Variants in C2CD2 observed in about 807,000 individuals in gnomAD.
C2CD2 encodes the protein C2 calcium dependent domain containing 2.
A neutral mutation model predicts 74.3 loss-of-function variants in C2CD2; 43 were observed. The observed-to-expected ratio is 0.58, with a 90% confidence interval of 0.45 to 0.75. C2CD2 has a LOEUF of 0.75. Among genes scored for constraint, C2CD2 ranks in the 30% least tolerant of loss-of-function variants. The pLI is 0.00. For synonymous variants in C2CD2, 422 were observed against 390.7 expected, an observed-to-expected ratio of 1.08 and a Z score of -0.94; for missense variants, 801 against 916.3, an observed-to-expected ratio of 0.87 and a Z score of 1.63.
Position 41,899,777 on chromosome 21 carries a change from T to C in C2CD2, c.1561-415A>G, listed in dbSNP as rs2146146567. ...TGTCTTTGTTCCTACACGTTTATGT[T>C]ACCTGCAAGTGGAAATTCACCGGCA... is the stretch of plus-strand genomic sequence containing the variant. On this transcript the variant is annotated intron_variant, in intron 12 of 13. Coordinates refer to ENST00000380486, the MANE Select transcript of C2CD2 (RefSeq NM_015500.2). The surrounding 1 kb of genome is among the most constrained non-coding windows in gnomAD (Gnocchi z 4.4). 6.6e-6 allele frequency among the ~76,000 whole-genome samples: 1 copy of C among 152,294 alleles called. No homozygotes were observed. The highest frequency in any genetic ancestry group is 2.1e-4 in the South Asian group (1 of 4,824).
At chr21:41,935,322 C>A (rs1176973078) in intron 2 of C2CD2, among the ~76,000 whole-genome samples, 2 of 152,194 alleles carry the variant, frequency 1.3e-5, no homozygotes, top group African/African-American at 2.4e-5. Flanking sequence ...GCAATGCACA[C>A]CAACACATGA....
At chr21:41,916,239 T>C (rs2065089050) in intron 5 of C2CD2, among the ~76,000 whole-genome samples, 1 of 152,190 alleles carries the variant, frequency 6.6e-6, no homozygotes, top group Non-Finnish European at 1.5e-5. Flanking sequence ...ATGTGTCGAC[T>C]TGACTGGGCC....
At position 41,918,017 on chromosome 21, in the gene C2CD2, C is replaced by T. The variant is rs574969827; in HGVS notation, c.720+88G>A. On this transcript the variant is annotated intron_variant, in intron 5 of 13. Coordinates refer to ENST00000380486, the MANE Select transcript of C2CD2 (RefSeq NM_015500.2). The stretch of plus-strand genomic sequence containing the variant: ...GGCTCTACCATGGGAGGTGGAGGAA[C>T]GCTGGAACGCACACAGATTCTCCAA... 318 of 1,495,782 alleles carry T rather than the reference C, an allele frequency of 2.1e-4. 3 individuals carry two copies. Among genetic ancestry groups the T allele is most frequent in the East Asian group, 2.5e-4 (11 of 43,900 alleles). The allele number at this position is 1,495,782 out of a possible 1,614,324, so 92.7% of individuals were successfully genotyped here.
In C2CD2 at chr21:41,903,222, CT is replaced by C. The variant is rs2064920441; in HGVS notation, c.1433-1474del. On this transcript the variant is annotated intron_variant, in intron 11 of 13. Transcript: ENST00000380486. The surrounding 1 kb of genome is among the most constrained non-coding windows in gnomAD (Gnocchi z 4.5). Reference sequence around the variant, plus strand: ...GGCTGTGCATTTGTGTGATAATAAACTGGTAAACCCAAGTAAAGTGTTTCTC... The same window carrying C: ...GGCTGTGCATTTGTGTGATAATAAACGGTAAACCCAAGTAAAGTGTTTCTC... 6.6e-6 allele frequency among the ~76,000 whole-genome samples: 1 copy of C among 152,182 alleles called. No homozygotes were observed.
rs1322045446 is a variant in C2CD2 at position 41,926,397 on chromosome 21, A to ACT, written c.379-4314_379-4313dup. The ACT allele has an allele frequency of 1.0e-6, 1 of 979,962 alleles. No individual in the cohort carries two copies. The highest frequency in any genetic ancestry group is 1.8e-5 in the African/African-American group (1 of 56,798). The allele number at this position is 979,962 out of a possible 1,614,324, so 60.7% of individuals were successfully genotyped here. A position where few individuals can be genotyped will look rare whatever the true frequency, so the allele number is the denominator to read the frequency against. ...CTCCACATGGAAAGGCCAAGGGGGG[A>ACT]CTCACGGTTGGCAGGTGAGGGTTTG... On this transcript the variant is annotated intron_variant, in intron 2 of 13. Coordinates refer to ENST00000380486, the MANE Select transcript of C2CD2 (RefSeq NM_015500.2). This position sits in a 1 kb window ranked among gnomAD's most constrained non-coding sequence, Gnocchi z 8.0.
At chr21:41,902,874 G>A (rs905958301) in intron 11 of C2CD2, among the ~76,000 whole-genome samples, 2 of 152,080 alleles carry the variant, frequency 1.3e-5, no homozygotes, top group Admixed American at 6.5e-5. Flanking sequence ...CACCCCATCC[G>A]AGTGAATGCT....
rs2065035064 is a variant in C2CD2, at chr21:41,912,353, A to G, written c.932T>C (p.Met311Thr). 1.2e-6 allele frequency: 2 copies of G among 1,611,346 alleles called. No homozygotes were observed. The highest frequency in any genetic ancestry group is 1.7e-6 in the Non-Finnish European group (2 of 1,178,892). ...TCACAAGGTGAATTCCTCTTCCCAC[A>G]TGAGGTCCGGAGTGTTTTTCGTCAG... Reference protein sequence around the residue: ...STLTKNTPDLMWEEEFTFELN... With the variant: ...STLTKNTPDLTWEEEFTFELN... Residue 311 changes from methionine (M) to threonine (T), a missense_variant, in exon 7 of 14, where the codon ATG becomes ACG. By Grantham distance (81) the Met-to-Thr change is moderately conservative (BLOSUM62 -1). Coordinates refer to ENST00000380486, the MANE Select transcript of C2CD2 (RefSeq NM_015500.2).
Position 41,914,666 on chromosome 21 carries a change from C to A in C2CD2, c.776G>T (p.Arg259Met). Residue 259 changes from arginine to methionine, a missense_variant, in exon 6 of 14, where the codon AGG (arginine) becomes ATG (methionine). By Grantham distance (91) the Arg-to-Met change is moderately conservative. Transcript: ENST00000380486. The stretch of plus-strand genomic sequence containing the variant: ...CACCAGTAGCTTCAGCTCGTGAGCC[C>A]TTGGAGGTTTAGGAGGACAGGATTC... ...AQESCPPKPP[R>M]AHELKLLVRN... 1 of 1,613,806 alleles carries A rather than the reference C, an allele frequency of 6.2e-7. No individual in the cohort carries two copies. The highest frequency in any genetic ancestry group is 1.1e-5 in the South Asian group (1 of 91,068).
intron 11 of C2CD2, among the ~76,000 whole-genome samples, chr21:41,904,322 G>A (rs1002778683): frequency 8.1e-4 from 55 of 68,114 alleles, no homozygotes; most frequent in African/African-American, 5.0e-3. Context: ...CTGAGAAATC[G>A]CCGCCCCTCG....
At position 41,887,184 on chromosome 21, in the gene C2CD2, A is replaced by G. The variant is rs1203139578; in HGVS notation, c.*1940T>C. The G allele has an allele frequency of 6.6e-6, 1 of 152,254 alleles. No individual in the cohort carries two copies. Among genetic ancestry groups the G allele is most frequent in the South Asian group, 2.1e-4 (1 of 4,832 alleles). The allele number at this position is 152,254 out of a possible 1,614,324, so 9.4% of individuals were successfully genotyped here. ...GCAGTAAAACTTCAAGTAAAACATT[A>G]AAGTGAACATCTGTCCCATCTGTCC... On this transcript the variant is annotated 3_prime_UTR_variant, in exon 14 of 14. Coordinates refer to ENST00000380486, the MANE Select transcript of C2CD2 (RefSeq NM_015500.2).
intron 7 of C2CD2, among the ~76,000 whole-genome samples, chr21:41,911,988 C>T (rs2065031107): frequency 1.3e-5 from 2 of 152,110 alleles, no homozygotes; most frequent in African/African-American, 2.4e-5. Flanking sequence ...AGGCATGAGC[C>T]TCTGCACCCA....
intron 4 of C2CD2, among the ~76,000 whole-genome samples, chr21:41,918,638 C>G (rs972328212): frequency 6.6e-6 from 1 of 151,990 alleles, no homozygotes; most frequent in Non-Finnish European, 1.5e-5. Context: ...CAGGTGGGAG[C>G]CCTGCATCCA....
chr21:41,953,061 G>C, intron 1 of C2CD2: 1 of 337,580 alleles, frequency 3.0e-6, no homozygotes, highest in South Asian at 1.5e-4. Context: ...GGGACTCCAG[G>C]CAAGGCAGGT....
rs200271918 is a variant in C2CD2 at position 41,907,829 on chromosome 21, G to A, written c.1019-45C>T. 2.2e-4 allele frequency: 360 copies of A among 1,612,360 alleles called. 1 individual carries two copies. The highest frequency in any genetic ancestry group is 3.7e-4 in the Admixed American group (22 of 59,976). ...GCAAGGGGTGCCGCTGATGTTTCCC[G>A]GGCTTCCGTGAGGACGGAAAGGCCC... On this transcript the variant is annotated intron_variant, in intron 8 of 13. Transcript: ENST00000380486.
intron 1 of C2CD2, among the ~76,000 whole-genome samples, chr21:41,947,161 T>TCC (rs2065407570): frequency 2.1e-5 from 2 of 96,706 alleles, no homozygotes; most frequent in African/African-American, 4.6e-5. Context: ...TCCCTCCCTC[T>TCC]CTCCTTCTTT....
intron 5 of C2CD2, among the ~76,000 whole-genome samples, chr21:41,915,960 GCTGATTTGACTGAGCA>G (rs1171880630): frequency 2.8e-4 from 42 of 152,250 alleles, no homozygotes; most frequent in African/African-American, 8.7e-4. Flanking sequence ...AAAACTGGGT[GCTGATTTGACTGAGCA>G]CTGATTTGAC....
rs1004463127 is a variant in C2CD2 at position 41,886,622 on chromosome 21, G to A, written c.*2502C>T. 1.3e-5 allele frequency: 2 copies of A among 151,826 alleles called. No homozygotes were observed. The highest frequency in any genetic ancestry group is 2.9e-5 in the Non-Finnish European group (2 of 68,008). 9.4% of individuals were successfully genotyped at this position (151,826 alleles called of 1,614,324 possible). On this transcript the variant is annotated 3_prime_UTR_variant, in exon 14 of 14. Coordinates refer to ENST00000380486, the MANE Select transcript of C2CD2 (RefSeq NM_015500.2). ...ACCTTGGTATTCAACAGTAAGCAGC[G>A]CTCATGGGATTCATCTGGAAATGGA...
Position 41,898,243 on chromosome 21 carries a change from T to C in C2CD2, c.1870+810A>G, listed in dbSNP as rs572244449. Among the ~76,000 whole-genome samples the C allele has an allele frequency of 3.9e-3, 593 of 152,262 alleles. 2 individuals carry two copies. The highest frequency in any genetic ancestry group is 6.1e-3 in the Non-Finnish European group (413 of 68,010). On this transcript the variant is annotated intron_variant, in intron 13 of 13. Transcript: ENST00000380486. ...ACGGCTTGGCCTGCCTTGCCCCCAG[T>C]CCTGTCTTCTGCACCAAGATGTCCT... is the stretch of plus-strand genomic sequence containing the variant.
intron 11 of C2CD2, among the ~76,000 whole-genome samples, chr21:41,902,104 T>A (rs2035230871): frequency 6.6e-6 from 1 of 152,244 alleles, no homozygotes; most frequent in South Asian, 2.1e-4. Flanking sequence ...AGATACTCAC[T>A]GAAGTGTCTG....
Sources: gnomAD v4.1 joint callset for allele counts (sites outside exome capture counted in the v4.1 genomes callset) on GRCh38, gnomAD v4.1.1 for gene constraint, Gnocchi (gnomAD v3.1) non-coding constraint, MANE v1.5 for transcripts, NCBI Gene and HGNC (gene_info 2026-07-23, HGNC 2026-07-21) for gene names.